The following SLC36A2 variants were observed in gnomAD, a reference collection of about 807,000 sequenced individuals.
SLC36A2 encodes the protein proton-coupled amino acid transporter 2.
In SLC36A2, 39 loss-of-function variants were observed where a neutral mutation model predicts 42.7. The ratio of observed to expected loss-of-function variants is 0.91; its 90% CI spans 0.71 to 1.19. The LOEUF (loss-of-function observed/expected upper bound fraction) is 1.19. Ranked by LOEUF, SLC36A2 falls within the 50% of genes most tolerant of loss-of-function variation. The probability of loss-of-function intolerance (pLI) is 0.00; values close to 1 mark genes in which losing one functional copy is unlikely to be tolerated. For synonymous variants in SLC36A2, 237 were observed against 240.8 expected (o/e 0.98, Z 0.15); for missense variants, 590 against 613.7 (o/e 0.96, Z 0.41).
chr5:151,335,153 C>T (rs1279977751), intron 6 of SLC36A2, among the ~76,000 whole-genome samples, 176 bp downstream of exon 6: 1 of 152,112 alleles, frequency 6.6e-6, no homozygotes, highest in Admixed American at 6.6e-5. Context: ...AGGAGACAAT[C>T]AGAAGAATGG....
chr5:151,329,235 T>C (rs1755929063), intron 7 of SLC36A2, among the ~76,000 whole-genome samples: 1 of 152,252 alleles, frequency 6.6e-6, no homozygotes, highest in East Asian at 1.9e-4. Context: ...GAGCCAAATA[T>C]CACTTCATGG....
intron 6 of SLC36A2, among the ~76,000 whole-genome samples, chr5:151,333,902 C>A (rs187163999): frequency 3.7e-4 from 57 of 152,274 alleles, no homozygotes; most frequent in Non-Finnish European, 1.5e-4. Flanking sequence ...ACTGACCCAA[C>A]GAGCCCACGA....
intron 7 of SLC36A2, among the ~76,000 whole-genome samples, chr5:151,331,329 T>G (rs1408583110): frequency 6.6e-6 from 1 of 152,144 alleles, no homozygotes; most frequent in Admixed American, 6.6e-5. Flanking sequence ...CGTTTTGTTT[T>G]GTTTTAAGAC....
chr5:151,323,706 C>T (rs57436948), intron 8 of SLC36A2, among the ~76,000 whole-genome samples: 1 of 152,318 alleles, frequency 6.6e-6, no homozygotes, highest in East Asian at 1.9e-4. Context: ...CTGTTTGCTA[C>T]TCTGGAGAGC....
Position 151,340,184 on chromosome 5 carries a change from GA to G in SLC36A2, c.441-1041del, listed in dbSNP as rs550008909. Among the ~76,000 whole-genome samples, 185 of 103,706 alleles carry G rather than the reference GA, an allele frequency of 1.8e-3. 1 individual carries two copies. The highest frequency in any genetic ancestry group is 4.7e-3 in the Middle Eastern group (1 of 214). The allele number at this position is 103,706 out of a possible 152,430, so 68.0% of individuals were successfully genotyped here. A position where few individuals can be genotyped will look rare whatever the true frequency, so the allele number is the denominator to read the frequency against. On this transcript the variant is annotated intron_variant, in intron 4 of 9. Coordinates refer to ENST00000335244, the MANE Select transcript of SLC36A2 (RefSeq NM_181776.3). ...GAAGAAGAGGAAGGAGGAGGAGGAG[GA>G]AGAGGTGGAGGAGGAGGAGAGGAGG...
In SLC36A2 at chr5:151,325,808, A is replaced by G. The variant is rs552597207; in HGVS notation, c.844-356T>C. On this transcript the variant is annotated intron_variant, in intron 7 of 9. Transcript: ENST00000335244. ...AGACAAGGACTGCCTGATTCTACTT[A>G]TATGAGGTACCTGGAGTAGGTAGGT... is the stretch of plus-strand genomic sequence containing the variant. Among the ~76,000 whole-genome samples, 18 of 152,278 alleles carry G rather than the reference A, an allele frequency of 1.2e-4. No individual in the cohort carries two copies. In the East Asian group the frequency reaches 3.3e-3, roughly 28 times the overall value.
At chr5:151,317,967 G>A (rs1044843582) in intron 9 of SLC36A2, among the ~76,000 whole-genome samples, 3 of 152,080 alleles carry the variant, frequency 2.0e-5, no homozygotes, top group Admixed American at 6.5e-5. Context: ...GAGGAGAAAG[G>A]GCTTTTATGG....
chr5:151,326,746 C>G (rs570936997), intron 7 of SLC36A2, among the ~76,000 whole-genome samples: 2 of 152,204 alleles, frequency 1.3e-5, no homozygotes, highest in East Asian at 3.9e-4. Flanking sequence ...GTGTGCTAAG[C>G]ATTCTCTACA....
chr5:151,339,017 C>T, intron 5 of SLC36A2, 43 bp downstream of exon 5: 1 of 1,423,414 alleles, frequency 7.0e-7, no homozygotes, highest in Non-Finnish European at 9.9e-7. Flanking sequence ...GTGGCGTGTC[C>T]TTGTCCATCT....
intron 7 of SLC36A2, among the ~76,000 whole-genome samples, chr5:151,326,128 A>G (rs140002437): frequency 6.6e-6 from 1 of 152,156 alleles, no homozygotes; most frequent in East Asian, 1.9e-4. Context: ...GAGTCATCTG[A>G]TGAGCCCTGG....
chr5:151,321,066 T>G (rs1755671079), intron 9 of SLC36A2, among the ~76,000 whole-genome samples: 1 of 152,230 alleles, frequency 6.6e-6, no homozygotes, highest in South Asian at 2.1e-4. Flanking sequence ...GAATAAAATA[T>G]TATGAAATCT....
At chr5:151,326,969 T>C (rs1296355392) in intron 7 of SLC36A2, among the ~76,000 whole-genome samples, 1 of 152,076 alleles carries the variant, frequency 6.6e-6, no homozygotes, top group Non-Finnish European at 1.5e-5. Context: ...TGTGCTGCCA[T>C]GCCCGGCTGA....
rs1243330917 is a variant in SLC36A2, at chr5:151,317,459, A to C, written c.1181-371T>G. 7.2e-5 allele frequency among the ~76,000 whole-genome samples: 11 copies of C among 152,140 alleles called. No homozygotes were observed. In the East Asian group the frequency reaches 2.1e-3, roughly 29 times the overall value. Reference sequence around the variant, plus strand: ...AAAGTGAGGTCCTATCTCATTAAAAAAAAAAAAAAAATCCTCTTCTTAAAA... The same window carrying C: ...AAAGTGAGGTCCTATCTCATTAAAACAAAAAAAAAAATCCTCTTCTTAAAA... On this transcript the variant is annotated intron_variant, in intron 9 of 9. Transcript: ENST00000335244.
At chr5:151,328,766 G>T (rs1039150896) in intron 7 of SLC36A2, among the ~76,000 whole-genome samples, 1 of 152,152 alleles carries the variant, frequency 6.6e-6, no homozygotes, top group African/African-American at 2.4e-5. Flanking sequence ...GAAAATGCAG[G>T]GTTCCTTGGT....
Position 151,347,526 on chromosome 5 carries a change from A to G in SLC36A2, c.-66T>C, listed in dbSNP as rs1756532129. On this transcript the variant is annotated 5_prime_UTR_variant, in exon 1 of 10. Transcript: ENST00000335244. ...CTGCTCTGGAAGGAGGGAAGCAGGA[A>G]GGTGTCTAGTGTAGATGTACACCCC... 1 of 1,594,480 alleles carries G rather than the reference A, an allele frequency of 6.3e-7. No individual in the cohort carries two copies. Among genetic ancestry groups the G allele is most frequent in the African/African-American group, 1.3e-5 (1 of 74,628 alleles).
At chr5:151,324,161 G>GT (rs1423183527) in intron 8 of SLC36A2, among the ~76,000 whole-genome samples, 38 of 152,070 alleles carry the variant, frequency 2.5e-4, no homozygotes, top group Admixed American at 7.2e-4. Context: ...TTGTTTGTTT[G>GT]TTTGAGACAG....
intron 9 of SLC36A2, among the ~76,000 whole-genome samples, 181 bp from the exon 10 acceptor site, chr5:151,317,269 T>C (rs1039702198): frequency 2.0e-5 from 3 of 152,044 alleles, no homozygotes; most frequent in African/African-American, 4.8e-5. Flanking sequence ...CTGTCCAACA[T>C]AGTGAAATCC....
chr5:151,321,142 G>GATTTATTTATTT lies in SLC36A2; in HGVS notation c.1180+892_1180+903dup, dbSNP rs141530947. On this transcript the variant is annotated intron_variant, in intron 9 of 9. Transcript: ENST00000335244. The stretch of plus-strand genomic sequence containing the variant: ...GTGTTCAATACATGTCAGTTCTTAT[G>GATTTATTTATTT]ATTTATTTATTTATTTATTTATTTA... Among the ~76,000 whole-genome samples, 1,288 of 149,926 alleles carry GATTTATTTATTT rather than the reference G, an allele frequency of 8.6e-3. 18 individuals carry two copies. Among genetic ancestry groups the GATTTATTTATTT allele is most frequent in the African/African-American group, 0.028 (1,138 of 40,998 alleles).
intron 8 of SLC36A2, among the ~76,000 whole-genome samples, chr5:151,324,702 G>C (rs1443161380): frequency 6.6e-6 from 1 of 152,094 alleles, no homozygotes; most frequent in African/African-American, 2.4e-5. Flanking sequence ...GTGGTGTGAT[G>C]ATAGCCTTCT....
Sources: gnomAD v4.1 joint callset for allele counts (sites outside exome capture counted in the v4.1 genomes callset) on GRCh38, gnomAD v4.1.1 for gene constraint, MANE v1.5 for transcripts, NCBI Gene and HGNC (gene_info 2026-07-23, HGNC 2026-07-21) for gene names.